The following TSPYL2 variants were observed in gnomAD, a reference collection of about 807,000 sequenced individuals.
The protein encoded by TSPYL2 is TSPY like 2.
In TSPYL2, 9 loss-of-function variants were observed where a neutral mutation model predicts 33.0. The observed-to-expected ratio is 0.27, with a 90% CI of 0.16 to 0.48. TSPYL2 has a LOEUF of 0.48. Ranked by LOEUF, TSPYL2 falls within the 20% of genes least tolerant of loss-of-function variation. The probability of loss-of-function intolerance (pLI) is 0.99; values close to 1 mark genes in which losing one functional copy is unlikely to be tolerated. For missense variants in TSPYL2, 636 were observed against 586.2 expected (o/e 1.08, Z -0.88); for synonymous variants, 330 against 233.6 (o/e 1.41, Z -3.77).
Position 53,085,042 on chromosome X carries a change from C to A in TSPYL2, c.1086C>A (p.His362Gln), listed in dbSNP as rs1556808059. The A allele has an allele frequency of 8.3e-7, 1 of 1,211,572 alleles. No homozygotes were observed. Among genetic ancestry groups the A allele is most frequent in the East Asian group, 3.0e-5 (1 of 33,831 alleles). ...GTCACGGGAACCAGGATGCGAGCCA[C>A]AGCTTTTTCAGCTGGTTCTCAAACC... ...ARRHGNQDASHSFFSWFSNHS... is the reference protein window; with the variant it reads ...ARRHGNQDASQSFFSWFSNHS... The change falls in exon 4 of 7, where the codon CAC (histidine) becomes CAA (glutamine). Residue 362 changes from histidine to glutamine, a missense_variant. Transcript: ENST00000375442.
rs373147193 is a variant in TSPYL2, at chrX:53,085,260, C to T, written c.1177C>T (p.Arg393Cys). Reference protein sequence around the residue: ...IKNDLWVNPLRYYLRERGSRI... With the variant: ...IKNDLWVNPLCYYLRERGSRI... ...GAATGATCTGTGGGTTAACCCTCTA[C>T]GCTACTACCTGAGAGAAAGGGGCTC... is the stretch of plus-strand genomic sequence containing the variant. The change falls in exon 5 of 7, where the codon CGC becomes TGC. Residue 393 changes from arginine to cysteine, a missense_variant. Coordinates refer to ENST00000375442, the MANE Select transcript of TSPYL2 (RefSeq NM_022117.4). 4.1e-5 allele frequency: 50 copies of T among 1,207,044 alleles called. No individual in the cohort carries two copies. Among genetic ancestry groups the T allele is most frequent in the Non-Finnish European group, 5.5e-5 (49 of 894,103 alleles).
Position 53,083,083 on chromosome X carries a change from G to A in TSPYL2, c.585G>A (p.Arg195=), listed in dbSNP as rs782752286. The change falls in exon 1 of 7, where the codon AGG becomes AGA. Residue 195 remains arginine (R), a synonymous_variant. Transcript: ENST00000375442. The stretch of plus-strand genomic sequence containing the variant: ...GGAGGCGGCGGCGGCGGCGGAGGAG[G>A]AAGCAGAGGAAGGTGAAGAGGGAAA... ...SSRRRRRRRR[R]KQRKVKRESR... The A allele has an allele frequency of 3.3e-6, 4 of 1,207,306 alleles. No individual in the cohort carries two copies. The highest frequency in any genetic ancestry group is 4.5e-6 in the Non-Finnish European group (4 of 893,325).
At chrX:53,083,362 T>TG (rs1556807553) in intron 1 of TSPYL2, 57 bp downstream of exon 1, 1 of 1,002,204 alleles carries the variant, frequency 1.0e-6, no homozygotes, top group Non-Finnish European at 1.4e-6. Flanking sequence ...AAGGGGAAGG[T>TG]GGGGGAGGGA....
At position 53,082,533 on chromosome X, in the gene TSPYL2, C is replaced by T. The variant is rs1556807132; in HGVS notation, c.35C>T (p.Thr12Ile). ...DRPDEGPPAK[T>I]RRLSSSESPQ... is the part of the protein sequence containing the mutation. ...CCAGATGAGGGGCCTCCGGCCAAGA[C>T]CCGCCGCCTGAGCAGCTCCGAGTCT... The change falls in exon 1 of 7, where the codon ACC becomes ATC. Residue 12 changes from threonine (T) to isoleucine (I), a missense_variant. By Grantham distance (89) the Thr-to-Ile change is moderately conservative. This residue lies in a region of TSPYL2 where 231 missense variants were observed against 201.6 expected (regional missense o/e 1.15). Coordinates refer to ENST00000375442, the MANE Select transcript of TSPYL2 (RefSeq NM_022117.4). 8.6e-7 allele frequency: 1 copy of T among 1,159,517 alleles called. No homozygotes were observed. The highest frequency in any genetic ancestry group is 2.6e-5 in the Admixed American group (1 of 39,088).
In TSPYL2 at chrX:53,088,200, C is replaced by G; in HGVS notation, c.*261C>G. ...CTGCTAACTGTATTTATTGTGATGC[C>G]TTGGTCAGGGCCCCTCTACCCACTT... On this transcript the variant is annotated 3_prime_UTR_variant, in exon 7 of 7. Transcript: ENST00000375442. 2.8e-6 allele frequency: 1 copy of G among 356,987 alleles called. No homozygotes were observed. 29.4% of individuals were successfully genotyped at this position (356,987 alleles called of 1,213,427 possible).
rs781934817 is a variant in TSPYL2 at position 53,085,058 on chromosome X, T to A, written c.1102T>A (p.Phe368Ile). 5.3e-5 allele frequency: 64 copies of A among 1,210,066 alleles called. No individual in the cohort carries two copies. ...TGCGAGCCACAGCTTTTTCAGCTGG[T>A]TCTCAAACCATAGCCTCCCAGAGGC... ...QDASHSFFSW[F>I]SNHSLPEADR... Residue 368 changes from phenylalanine (F) to isoleucine (I), a missense_variant, in exon 4 of 7, where the codon TTC becomes ATC. Transcript: ENST00000375442.
Position 53,085,107 on chromosome X carries a change from C to T in TSPYL2, c.1143+8C>T. The T allele has an allele frequency of 8.3e-7, 1 of 1,203,018 alleles. No individual in the cohort carries two copies. The highest frequency in any genetic ancestry group is 1.1e-6 in the Non-Finnish European group (1 of 890,143). Reference sequence around the variant, plus strand: ...GCTGACAGGATTGCTGAGGTGGGGCCCTTCCTGGCATCACCAGAGAAGGCC... The same window carrying T: ...GCTGACAGGATTGCTGAGGTGGGGCTCTTCCTGGCATCACCAGAGAAGGCC... On this transcript the variant is annotated splice_region_variant and intron_variant, in intron 4 of 6. Coordinates refer to ENST00000375442, the MANE Select transcript of TSPYL2 (RefSeq NM_022117.4).
Position 53,087,750 on chromosome X carries a change from C to T in TSPYL2, c.1919-26C>T, listed in dbSNP as rs200689274. 256 of 1,188,447 alleles carry T rather than the reference C, an allele frequency of 2.2e-4. 1 individual carries two copies. The highest frequency in any genetic ancestry group is 2.5e-4 in the Non-Finnish European group (220 of 882,901). The stretch of plus-strand genomic sequence containing the variant: ...TCATCTAACTGCCTTCCTCCATTTC[C>T]CCTTCCTTGCTTCTCCCCTATGCAG... On this transcript the variant is annotated intron_variant, in intron 6 of 6. Coordinates refer to ENST00000375442, the MANE Select transcript of TSPYL2 (RefSeq NM_022117.4).
At position 53,087,989 on chromosome X, in the gene TSPYL2, C is replaced by CT; in HGVS notation, c.*50_*51insT. On this transcript the variant is annotated 3_prime_UTR_variant, in exon 7 of 7. Coordinates refer to ENST00000375442, the MANE Select transcript of TSPYL2 (RefSeq NM_022117.4). ...CTCTCTGTATCCCCCACCCACTATC[C>CT]CATTTGCCCTCCTCCTCAGCTAGGG... The CT allele has an allele frequency of 1.7e-6, 2 of 1,163,249 alleles. No homozygotes were observed. The highest frequency in any genetic ancestry group is 2.3e-6 in the Non-Finnish European group (2 of 859,399).
chrX:53,087,950 CT>C lies in TSPYL2; in HGVS notation c.*15del. ...GGGAAAACCGGATAAGGGTTTTCCC[CT>C]TTTGGGGATCACCTCTCTGTATCCC... On this transcript the variant is annotated 3_prime_UTR_variant, in exon 7 of 7. Transcript: ENST00000375442. 1 of 1,208,009 alleles carries C rather than the reference CT, an allele frequency of 8.3e-7. No homozygotes were observed. Among genetic ancestry groups the C allele is most frequent in the African/African-American group, 1.7e-5 (1 of 57,815 alleles).
chrX:53,087,625 C>T, intron 6 of TSPYL2, 151 bp from the exon 7 acceptor site: 1 of 536,364 alleles, frequency 1.9e-6, no homozygotes, highest in South Asian at 3.2e-5. Context: ...CACACACACT[C>T]TTGGCTGTTT....
At position 53,082,735 on chromosome X, in the gene TSPYL2, C is replaced by G. The variant is rs782084626; in HGVS notation, c.237C>G (p.Leu79=). Residue 79 remains leucine (L), a synonymous_variant, in exon 1 of 7, where the codon CTC becomes CTG. Transcript: ENST00000375442. ...CCCCGCCGCCTCCCTATGTCATTCT[C>G]GAGGAGGGGGGGATCCGCGCATACT... ...ALPPPPPYVI[L]EEGGIRAYFT... is the part of the protein sequence containing the mutation. 1.1e-5 allele frequency: 13 copies of G among 1,167,819 alleles called. No individual in the cohort carries two copies. The highest frequency in any genetic ancestry group is 1.1e-5 in the Non-Finnish European group (10 of 876,740).
rs1932764394 is a variant in TSPYL2 at position 53,086,325 on chromosome X, C to CCA, written c.1918+16_1918+17insAC. 8.7e-7 allele frequency: 1 copy of CCA among 1,149,743 alleles called. No individual in the cohort carries two copies. The highest frequency in any genetic ancestry group is 2.1e-5 in the African/African-American group (1 of 47,640). The allele number at this position is 1,149,743 out of a possible 1,213,427, so 94.8% of individuals were successfully genotyped here. ...CATTGAGGAAGGTGAGCTAATCCCC[C>CCA]CCCACCCTTGTCTTCCCTCTTTTCT... On this transcript the variant is annotated intron_variant, in intron 6 of 6. Transcript: ENST00000375442.
chrX:53,084,640 T>A lies in TSPYL2; in HGVS notation c.885+18T>A, dbSNP rs1170482292. The A allele has an allele frequency of 2.5e-6, 3 of 1,202,256 alleles. No individual in the cohort carries two copies. The African/African-American group carries it at 5.3e-5, about 21-fold the overall frequency. On this transcript the variant is annotated intron_variant, in intron 2 of 6. Transcript: ENST00000375442. ...ATCTGCAGGTCAGGCCAGAGAGACA[T>A]TTTTTAGTAGGATCGGGCACGAATC...
In TSPYL2 at chrX:53,087,970, G is replaced by C; in HGVS notation, c.*31G>C. On this transcript the variant is annotated 3_prime_UTR_variant, in exon 7 of 7. Coordinates refer to ENST00000375442, the MANE Select transcript of TSPYL2 (RefSeq NM_022117.4). ...TTCCCCTTTTGGGGATCACCTCTCTGTATCCCCCACCCACTATCCCATTTG... is the reference window on the plus strand; with the variant it reads ...TTCCCCTTTTGGGGATCACCTCTCTCTATCCCCCACCCACTATCCCATTTG... 1 of 1,195,145 alleles carries C rather than the reference G, an allele frequency of 8.4e-7. No homozygotes were observed. The highest frequency in any genetic ancestry group is 1.1e-6 in the Non-Finnish European group (1 of 883,151).
In TSPYL2 at chrX:53,085,882, A is replaced by C; in HGVS notation, c.1490A>C (p.Glu497Ala). The change falls in exon 6 of 7, where the codon GAG (glutamate) becomes GCG (alanine). Residue 497 changes from glutamate (E) to alanine (A), a missense_variant. Glu to Ala is a moderately radical substitution (Grantham distance 107, BLOSUM62 -1). This residue lies in a region of TSPYL2 where 401 missense variants were observed against 363.0 expected (regional missense o/e 1.10). Coordinates refer to ENST00000375442, the MANE Select transcript of TSPYL2 (RefSeq NM_022117.4). The stretch of plus-strand genomic sequence containing the variant: ...AACAACGAGACCACTGATAACAACG[A>C]GAGTGCTGATGACCACGAAACCACT... ...VPNNETTDNN[E>A]SADDHETTDN... is the part of the protein sequence containing the mutation. 2 of 1,211,948 alleles carry C rather than the reference A, an allele frequency of 1.7e-6. No homozygotes were observed. The highest frequency in any genetic ancestry group is 2.2e-6 in the Non-Finnish European group (2 of 895,573).
Position 53,082,384 on chromosome X carries a change from A to G in TSPYL2, c.-115A>G. On this transcript the variant is annotated 5_prime_UTR_variant, in exon 1 of 7. Transcript: ENST00000375442. ...GGAACGCCAGAGCGAGGTGGTGAGG[A>G]GAGCTGGTTGCGTGAGTCTCCTCAG... 5.7e-6 allele frequency: 4 copies of G among 704,114 alleles called. No individual in the cohort carries two copies. In the South Asian group the frequency reaches 1.2e-4, roughly 21 times the overall value. The allele number at this position is 704,114 out of a possible 1,213,427, so 58.0% of individuals were successfully genotyped here.
In TSPYL2 at chrX:53,082,786, C is replaced by A. The variant is rs1556807291; in HGVS notation, c.288C>A (p.Gly96=). 1.7e-6 allele frequency: 2 copies of A among 1,197,943 alleles called. No individual in the cohort carries two copies. The highest frequency in any genetic ancestry group is 1.1e-6 in the Non-Finnish European group (1 of 889,642). The change falls in exon 1 of 7, where the codon GGC becomes GGA. Residue 96 remains glycine (G), a synonymous_variant. Transcript: ENST00000375442. The part of the protein sequence containing the change: ...AYFTLGAECP[G]WDSTIESGYG... ...TCACGCTCGGTGCTGAGTGTCCCGG[C>A]TGGGATTCTACCATCGAGTCGGGGT...
intron 6 of TSPYL2, chrX:53,086,667 T>C (rs1428450087): frequency 9.8e-5 from 25 of 253,893 alleles, no homozygotes; most frequent in Non-Finnish European, 2.8e-5. Flanking sequence ...CCTTGGCCTT[T>C]GGCGCATTTC....
Sources: gnomAD v4.1 joint callset for allele counts on GRCh38, gnomAD v4.1.1 for gene constraint, gnomAD v4.1.1 regional missense constraint, MANE v1.5 for transcripts, NCBI Gene and HGNC (gene_info 2026-07-23, HGNC 2026-07-21) for gene names.